PARVG: variants seen among roughly 807,000 people sequenced by gnomAD.
PARVG encodes gamma-parvin.
In PARVG, 36 loss-of-function variants were observed where a neutral mutation model predicts 44.4. That is an observed-to-expected ratio of 0.81 (90% confidence interval 0.62 to 1.07). PARVG has a LOEUF of 1.07. PARVG is among the 50% of genes least tolerant of loss of function. PARVG has a pLI of 0.00. For missense variants in PARVG, 407 were observed against 407.4 expected (o/e 1.00, Z 0.01); for synonymous variants, 170 against 174.1 (o/e 0.98, Z 0.19).
At chr22:44,188,955 T>G in intron 5 of PARVG, 159 bp from the exon 6 acceptor site, 3 of 880,964 alleles carry the variant, frequency 3.4e-6, no homozygotes, top group Non-Finnish European at 5.2e-6. Flanking sequence ...GCATACCCGA[T>G]TGAGGCTGTG....
At chr22:44,196,615 A>T (rs1448027923) in intron 11 of PARVG, among the ~76,000 whole-genome samples, 200 bp downstream of exon 11, 1 of 130,708 alleles carries the variant, frequency 7.7e-6, no homozygotes, top group African/African-American at 2.8e-5. Context: ...CCGGGGGTGG[A>T]GGTGTGGGAA....
chr22:44,196,651 G>A (rs2054622835), intron 11 of PARVG, among the ~76,000 whole-genome samples: 1 of 152,062 alleles, frequency 6.6e-6, no homozygotes, highest in African/African-American at 2.4e-5. Flanking sequence ...GAGTCACCTC[G>A]GCTGTCACTG....
chr22:44,195,967 C>T (rs922361645), intron 9 of PARVG, 188 bp from the exon 10 acceptor site: 32 of 621,984 alleles, frequency 5.1e-5, no homozygotes, highest in Non-Finnish European at 8.4e-5. Context: ...ACGGTGACTC[C>T]CCTGGGGCCA....
chr22:44,206,202 A>T (rs2054778757), intron 13 of PARVG, 115 bp from the exon 14 acceptor site: 1 of 770,550 alleles, frequency 1.3e-6, no homozygotes, highest in Non-Finnish European at 2.2e-6. Flanking sequence ...GCTTCCAGGG[A>T]TTCTCCTGGG....
intron 12 of PARVG, among the ~76,000 whole-genome samples, chr22:44,205,211 C>A (rs759714686): frequency 6.6e-6 from 1 of 152,346 alleles, no homozygotes; most frequent in South Asian, 2.1e-4. Context: ...AGCATTGGAG[C>A]GGACAGACCT....
At chr22:44,175,668 G>A (rs779017793) in intron 1 of PARVG, among the ~76,000 whole-genome samples, 3 of 152,160 alleles carry the variant, frequency 2.0e-5, no homozygotes, top group Middle Eastern at 3.4e-3. Context: ...GCTGTGTGCC[G>A]CTGAGGCGTT....
chr22:44,178,079 T>C (rs1415905016), upstream of PARVG, among the ~76,000 whole-genome samples: 1 of 152,196 alleles, frequency 6.6e-6, no homozygotes, highest in Non-Finnish European at 1.5e-5. Context: ...CCTTCCACCA[T>C]GACTGTGAGG....
At chr22:44,194,876 T>C (rs1026235246) in intron 9 of PARVG, among the ~76,000 whole-genome samples, 3 of 151,976 alleles carry the variant, frequency 2.0e-5, no homozygotes, top group Admixed American at 1.3e-4. Context: ...CACCTATCCA[T>C]CCATCCATTC....
rs1555918166 is a variant in PARVG, at chr22:44,196,608, G to GGC, written c.711+194_711+195insCG. On this transcript the variant is annotated intron_variant, in intron 11 of 13. Coordinates refer to ENST00000444313, the MANE Select transcript of PARVG (RefSeq NM_022141.7). ...TCACCAGGGACATGGTGGGATCCCG[G>GGC]GGGTGGAGGTGTGGGAACACTTCAC... Among the ~76,000 whole-genome samples, 51 of 152,132 alleles carry GGC rather than the reference G, an allele frequency of 3.4e-4. 1 individual carries two copies. Among genetic ancestry groups the GGC allele is most frequent in the Admixed American group, 2.9e-3 (44 of 15,274 alleles).
At chr22:44,176,481 C>A (rs953774317), upstream of PARVG, among the ~76,000 whole-genome samples, 5 of 152,178 alleles carry the variant, frequency 3.3e-5, no homozygotes, top group African/African-American at 4.8e-5. Context: ...GCCAACTGTA[C>A]TCAAGGAATG....
chr22:44,193,457 G>A (rs949927038), intron 8 of PARVG, among the ~76,000 whole-genome samples: 3 of 152,194 alleles, frequency 2.0e-5, no homozygotes, highest in African/African-American at 7.2e-5. Context: ...GATCACACAG[G>A]TGTGTATGTG....
In PARVG at chr22:44,183,375, G is replaced by A. The variant is rs753587938; in HGVS notation, c.46G>A (p.Val16Met). 11 of 1,609,612 alleles carry A rather than the reference G, an allele frequency of 6.8e-6. No individual in the cohort carries two copies. The highest frequency in any genetic ancestry group is 3.4e-5 in the Admixed American group (2 of 59,514). The change falls in exon 3 of 14, where the codon GTG (valine) becomes ATG (methionine). Residue 16 changes from valine to methionine, a missense_variant. Transcript: ENST00000444313. ...LYDLLQLPKG[V>M]EPPAEEELSK... ...CGACCTGCTGCAGCTCCCCAAGGGG[G>A]TGGAGCCCCCAGCGGAGGAGGAGCT...
upstream of PARVG, among the ~76,000 whole-genome samples, chr22:44,175,937 C>T (rs1249041633): frequency 6.6e-6 from 1 of 152,182 alleles, no homozygotes; most frequent in African/African-American, 2.4e-5. Context: ...ACAGCCGGGA[C>T]ATGGTCACAC....
chr22:44,191,953 G>A, intron 7 of PARVG, 96 bp from the exon 8 acceptor site: 1 of 1,375,962 alleles, frequency 7.3e-7, no homozygotes, highest in Non-Finnish European at 1.0e-6. Context: ...AGGCTGTCCT[G>A]AGGAGGGATG....
In PARVG at chr22:44,206,816, C is replaced by T. The variant is rs1350806013; in HGVS notation, c.*390C>T. On this transcript the variant is annotated 3_prime_UTR_variant, in exon 14 of 14. Coordinates refer to ENST00000444313, the MANE Select transcript of PARVG (RefSeq NM_022141.7). ...GGCTGGGGACTCTCAGGGACAGGGCCCACAGCCCCAGACCCCACCTTTTCC... is the reference window on the plus strand; with the variant it reads ...GGCTGGGGACTCTCAGGGACAGGGCTCACAGCCCCAGACCCCACCTTTTCC... 4.7e-5 allele frequency: 11 copies of T among 234,436 alleles called. No individual in the cohort carries two copies. Among genetic ancestry groups the T allele is most frequent in the Admixed American group, 1.1e-4 (2 of 17,484 alleles). 14.5% of individuals were successfully genotyped at this position (234,436 alleles called of 1,614,324 possible).
Position 44,198,633 on chromosome 22 carries a change from G to T in PARVG, c.724G>T (p.Val242Phe). 1.2e-6 allele frequency: 2 copies of T among 1,613,322 alleles called. No homozygotes were observed. Among genetic ancestry groups the T allele is most frequent in the Non-Finnish European group, 1.7e-6 (2 of 1,179,324 alleles). ...QNLDTQFADG[V>F]ILLLLIGQLE... ...CCTTCCTTTGTAGTTTGCAGATGGG[G>T]TCATCTTACTCTTGCTGATTGGACA... The change falls in exon 12 of 14, where the codon GTC becomes TTC. Residue 242 changes from valine (V) to phenylalanine (F), a missense_variant. Val to Phe is a conservative substitution (Grantham distance 50, BLOSUM62 -1). Coordinates refer to ENST00000444313, the MANE Select transcript of PARVG (RefSeq NM_022141.7).
chr22:44,189,357 C>T (rs2054518611), intron 6 of PARVG, 103 bp downstream of exon 6: 1 of 1,494,276 alleles, frequency 6.7e-7, no homozygotes, highest in Admixed American at 2.0e-5. Flanking sequence ...ATCCTTCTCC[C>T]AGCAGGGGTA....
intron 8 of PARVG, among the ~76,000 whole-genome samples, chr22:44,193,228 AAAAG>A (rs1361710705): frequency 2.6e-5 from 4 of 152,370 alleles, no homozygotes; most frequent in South Asian, 4.1e-4. Flanking sequence ...GACCAAAAAA[AAAAG>A]AAGAAGAAAA....
chr22:44,173,382 G>A (rs1484581130), intron 1 of PARVG, among the ~76,000 whole-genome samples: 1 of 152,168 alleles, frequency 6.6e-6, no homozygotes, highest in Non-Finnish European at 1.5e-5. Flanking sequence ...GAACCCCTGT[G>A]TGGCGGAGAT....
Sources: gnomAD v4.1 joint callset for allele counts (sites outside exome capture counted in the v4.1 genomes callset) on GRCh38, gnomAD v4.1.1 for gene constraint, MANE v1.5 for transcripts, NCBI Gene and HGNC (gene_info 2026-07-23, HGNC 2026-07-21) for gene names.